Variants in GPC6 observed in about 807,000 individuals in gnomAD.
GPC6 encodes glypican-6.
A neutral mutation model predicts 55.2 loss-of-function variants in GPC6; 14 were observed. That is an observed-to-expected ratio of 0.25 (90% CI 0.17 to 0.40). The LOEUF is 0.40. Among genes scored for constraint, GPC6 ranks in the 10% least tolerant of loss-of-function variants. The pLI, the probability that GPC6 is intolerant of heterozygous loss-of-function variation, is 1.00. For missense variants in GPC6, 641 were observed against 708.5 expected, an observed-to-expected ratio of 0.90 and a Z score of 1.08; for synonymous variants, 278 against 259.6, an observed-to-expected ratio of 1.07 and a Z score of -0.68.
intron 4 of GPC6, among the ~76,000 whole-genome samples, chr13:94,160,088 A>G (rs919011618): frequency 2.6e-5 from 4 of 152,216 alleles, no homozygotes; most frequent in Admixed American, 2.6e-4. Context: ...ATGGTCCGAA[A>G]ATATTCCATA....
At chr13:93,708,042 T>G (rs745745535) in intron 2 of GPC6, among the ~76,000 whole-genome samples, 26 of 151,810 alleles carry the variant, frequency 1.7e-4, no homozygotes, top group Non-Finnish European at 3.4e-4. Context: ...TACAGAAATA[T>G]TACTAATACA....
rs532891484 is a variant in GPC6 at position 93,519,072 on chromosome 13, T to C, written c.161-26191T>C. On this transcript the variant is annotated intron_variant, in intron 1 of 8. Transcript: ENST00000377047. ...ATCTTATGTACCGCAAAGACTGAAA[T>C]AGTTAAAAATATTAAAAGCCTAAAG... 5.9e-5 allele frequency among the ~76,000 whole-genome samples: 9 copies of C among 152,108 alleles called. No individual in the cohort carries two copies. The East Asian group carries it at 1.7e-3, about 29-fold the overall frequency.
At chr13:93,376,996 T>A (rs1012711820) in intron 1 of GPC6, among the ~76,000 whole-genome samples, 4 of 152,226 alleles carry the variant, frequency 2.6e-5, no homozygotes, top group Admixed American at 1.3e-4. Flanking sequence ...TCCCACTAAA[T>A]AATTTATGTT....
intron 4 of GPC6, among the ~76,000 whole-genome samples, chr13:94,123,688 C>T (rs942288288): frequency 3.3e-5 from 5 of 151,662 alleles, no homozygotes; most frequent in African/African-American, 1.2e-4. Flanking sequence ...TATGCATGCA[C>T]GCATATGTTT....
At position 93,227,340 on chromosome 13, in the gene GPC6, T is replaced by TGACGCTGGGCAGCGGCGAGGAGCGC; in HGVS notation, c.-115_-91dup. The TGACGCTGGGCAGCGGCGAGGAGCGC allele has an allele frequency of 1.0e-6, 1 of 986,142 alleles. No individual in the cohort carries two copies. The highest frequency in any genetic ancestry group is 1.5e-6 in the Non-Finnish European group (1 of 655,194). 61.1% of individuals were successfully genotyped at this position (986,142 alleles called of 1,614,324 possible). ...CGTCCCCTCGGCTGGCAGAAGGGGGTGACGCTGGGCAGCGGCGAGGAGCGC... is the reference window on the plus strand; with the variant it reads ...CGTCCCCTCGGCTGGCAGAAGGGGGTGACGCTGGGCAGCGGCGAGGAGCGCGACGCTGGGCAGCGGCGAGGAGCGC... On this transcript the variant is annotated 5_prime_UTR_variant, in exon 1 of 9. Transcript: ENST00000377047. This position sits in a 1 kb window ranked among gnomAD's most constrained non-coding sequence, Gnocchi z 4.3.
chr13:93,351,159 G>A (rs905650144), intron 1 of GPC6, among the ~76,000 whole-genome samples: 1 of 152,080 alleles, frequency 6.6e-6, no homozygotes, highest in African/African-American at 2.4e-5. Flanking sequence ...TTGAATACAA[G>A]TATGTTAAAT....
intron 3 of GPC6, among the ~76,000 whole-genome samples, chr13:93,908,088 G>C (rs1876769598): frequency 1.4e-4 from 22 of 152,134 alleles, no homozygotes; most frequent in Admixed American, 1.4e-3. Flanking sequence ...AAAAAGGAGA[G>C]AGAGAGAGTG....
chr13:94,037,361 C>T lies in GPC6; in HGVS notation c.877+9467C>T, dbSNP rs554609997. On this transcript the variant is annotated intron_variant, in intron 4 of 8. Coordinates refer to ENST00000377047, the MANE Select transcript of GPC6 (RefSeq NM_005708.5). ...AGATATGCGCTTCCCGAGTTTGTCC[C>T]GGAGAAAATGTTTAAATGTGTCTTG... 8.5e-4 allele frequency among the ~76,000 whole-genome samples: 129 copies of T among 151,826 alleles called. 1 individual carries two copies. In the South Asian group the frequency reaches 0.023, roughly 27 times the overall value.
chr13:94,382,491 G>C lies in GPC6; in HGVS notation c.1230G>C (p.Glu410Asp). ...SALPYTICKD[E>D]SVTAGTSNEE... Reference sequence around the variant, plus strand: ...TACCCTACACTATCTGCAAGGACGAGAGCGTGACAGCGGGCACGTCCAACG... The same window carrying C: ...TACCCTACACTATCTGCAAGGACGACAGCGTGACAGCGGGCACGTCCAACG... Residue 410 changes from glutamate (E) to aspartate (D), a missense_variant, in exon 7 of 9, where the codon GAG becomes GAC. Glu to Asp is a conservative substitution (Grantham distance 45, BLOSUM62 2). Transcript: ENST00000377047. 6.2e-7 allele frequency: 1 copy of C among 1,614,220 alleles called. No homozygotes were observed. Among genetic ancestry groups the C allele is most frequent in the Non-Finnish European group, 8.5e-7 (1 of 1,180,034 alleles).
chr13:94,024,771 G>T (rs1882830180), intron 3 of GPC6, among the ~76,000 whole-genome samples: 1 of 152,044 alleles, frequency 6.6e-6, no homozygotes, highest in Non-Finnish European at 1.5e-5. Context: ...CAAATGAAAA[G>T]CTTTGGAATG....
intron 2 of GPC6, among the ~76,000 whole-genome samples, chr13:93,715,463 G>A (rs1215892158): frequency 6.6e-6 from 1 of 151,450 alleles, no homozygotes. Context: ...TACTAAAGAG[G>A]GGAGGGAAGG....
At chr13:93,888,628 A>T (rs890802202) in intron 3 of GPC6, among the ~76,000 whole-genome samples, 3 of 152,328 alleles carry the variant, frequency 2.0e-5, no homozygotes, top group African/African-American at 4.8e-5. Flanking sequence ...GCTGAGATAC[A>T]GTACTTTCTT....
At chr13:94,384,122 G>T (rs776459723) in intron 7 of GPC6, among the ~76,000 whole-genome samples, 10 of 152,192 alleles carry the variant, frequency 6.6e-5, no homozygotes, top group Non-Finnish European at 1.3e-4. Flanking sequence ...GAAGAGTTTA[G>T]CAAGGTGAAA....
chr13:94,405,461 A>C lies in GPC6; in HGVS notation c.*2244A>C, dbSNP rs1344380280. On this transcript the variant is annotated 3_prime_UTR_variant, in exon 9 of 9. Transcript: ENST00000377047. The stretch of plus-strand genomic sequence containing the variant: ...TAAATCAACCTTGATTTTCCAGACT[A>C]TTTGAATAATAACTTGCTTTTATGG... The C allele has an allele frequency of 1.3e-5, 2 of 152,232 alleles. No individual in the cohort carries two copies. The highest frequency in any genetic ancestry group is 1.9e-4 in the East Asian group (1 of 5,200). The allele number at this position is 152,232 out of a possible 1,614,324, so 9.4% of individuals were successfully genotyped here.
chr13:94,280,377 G>T lies in GPC6; in HGVS notation c.878-5972G>T, dbSNP rs539780726. ...CTCTTTCCGGGTCATTCAGATCCTG[G>T]CTTATGTACTCCTCAGTCCCCTCTA... On this transcript the variant is annotated intron_variant, in intron 4 of 8. Transcript: ENST00000377047. 9.9e-5 allele frequency among the ~76,000 whole-genome samples: 15 copies of T among 152,172 alleles called. No homozygotes were observed. In the East Asian group the frequency reaches 2.9e-3, roughly 29 times the overall value.
intron 4 of GPC6, among the ~76,000 whole-genome samples, chr13:94,184,967 A>G (rs1304365783): frequency 6.6e-6 from 1 of 152,204 alleles, no homozygotes; most frequent in African/African-American, 2.4e-5. Flanking sequence ...AACCATAAAA[A>G]AGAATGAAAT....
At chr13:93,485,079 C>G (rs893204893) in intron 1 of GPC6, among the ~76,000 whole-genome samples, 1 of 152,118 alleles carries the variant, frequency 6.6e-6, no homozygotes, top group Non-Finnish European at 1.5e-5. Context: ...GGCAGTTAGC[C>G]CCCCCTGGAG....
chr13:94,252,706 A>G (rs1445858760), intron 4 of GPC6, among the ~76,000 whole-genome samples: 4 of 152,112 alleles, frequency 2.6e-5, no homozygotes, highest in African/African-American at 9.7e-5. Context: ...ATGGAATTTC[A>G]AGAAATTTTA....
chr13:93,962,586 T>C (rs1879835088), intron 3 of GPC6, among the ~76,000 whole-genome samples: 1 of 152,016 alleles, frequency 6.6e-6, no homozygotes, highest in Admixed American at 6.5e-5. Flanking sequence ...TAAACAACAA[T>C]ACTTATATAG....
Sources: gnomAD v4.1 joint callset for allele counts (sites outside exome capture counted in the v4.1 genomes callset) on GRCh38, gnomAD v4.1.1 for gene constraint, Gnocchi (gnomAD v3.1) non-coding constraint, MANE v1.5 for transcripts, NCBI Gene and HGNC (gene_info 2026-07-23, HGNC 2026-07-21) for gene names.